Variants in NPHP1 observed in about 807,000 individuals in gnomAD.
NPHP1 encodes the protein nephrocystin 1.
A neutral mutation model predicts 90.4 loss-of-function variants in NPHP1; 70 were observed. The ratio of observed to expected loss-of-function variants is 0.77; its 90% CI spans 0.64 to 0.95. NPHP1 has a LOEUF of 0.95. NPHP1 is among the 40% of genes least tolerant of loss of function. The pLI, the probability that NPHP1 is intolerant of heterozygous loss-of-function variation, is 0.00. For synonymous variants in NPHP1, 256 were observed against 271.7 expected, an observed-to-expected ratio of 0.94 and a Z score of 0.57; for missense variants, 764 against 795.9, an observed-to-expected ratio of 0.96 and a Z score of 0.48.
Position 110,204,980 on chromosome 2 carries a change from C to G in NPHP1, c.-12G>C. ...CGTCTCGCCAGCATCTCCCTGGCTG[C>G]GGTGCTCTGATTGCTCCAGTTGCCA... On this transcript the variant is annotated 5_prime_UTR_variant, in exon 1 of 20. Coordinates refer to ENST00000445609, the MANE Select transcript of NPHP1 (RefSeq NM_001128178.3). 1.2e-6 allele frequency: 2 copies of G among 1,613,706 alleles called. No homozygotes were observed. The highest frequency in any genetic ancestry group is 1.7e-6 in the Non-Finnish European group (2 of 1,179,786).
rs1012762609 is a variant in NPHP1, at chr2:110,129,367, T to G, written c.1643-108A>C. On this transcript the variant is annotated intron_variant, in intron 17 of 19. Coordinates refer to ENST00000445609, the MANE Select transcript of NPHP1 (RefSeq NM_001128178.3). ...GAAAATTATTGTGCCAAATGATTTG[T>G]TGATAACACATTCTACACACTTTGA... The G allele has an allele frequency of 7.3e-5, 62 of 854,308 alleles. No homozygotes were observed. In the African/African-American group the frequency reaches 1.0e-3, roughly 14 times the overall value. The allele number at this position is 854,308 out of a possible 1,614,324, so 52.9% of individuals were successfully genotyped here.
intron 16 of NPHP1, among the ~76,000 whole-genome samples, chr2:110,135,757 C>A (rs562204363): frequency 1.3e-5 from 2 of 152,158 alleles, no homozygotes; most frequent in African/African-American, 4.8e-5. Flanking sequence ...AGAAAAATCA[C>A]CAAAGATTTA....
intron 3 of NPHP1, 62 bp downstream of exon 3, chr2:110,179,562 C>A: frequency 1.2e-6 from 1 of 831,824 alleles, no homozygotes. Context: ...TTAACTTCCA[C>A]TTAATAAAAA....
chr2:110,143,442 A>C (rs1680792787), intron 16 of NPHP1, 100 bp downstream of exon 16: 1 of 837,294 alleles, frequency 1.2e-6, no homozygotes. Context: ...AAAATATTAT[A>C]ACAAAAGATG....
rs1440669860 is a variant in NPHP1 at position 110,125,731 on chromosome 2, T to C, written c.1717-50A>G. ...GTTAGTCCAAGTAGTAACAAGTCCT[T>C]GCAACACTTATGCAAATTTACTCTG... On this transcript the variant is annotated intron_variant, in intron 18 of 19. Transcript: ENST00000445609. 3.4e-6 allele frequency: 5 copies of C among 1,465,858 alleles called. No homozygotes were observed. The Admixed American group carries it at 8.4e-5, about 25-fold the overall frequency. The allele number at this position is 1,465,858 out of a possible 1,614,324, so 90.8% of individuals were successfully genotyped here.
chr2:110,144,505 T>G lies in NPHP1; in HGVS notation c.1417A>C (p.Ile473Leu). ...YEKGIEVDPS[I>L]SRRAHGSVFY... ...ATGAGAGCCATACCTCTTCTGGATA[T>G]TGAAGGGTCCACTTCAATACCTTTT... is the stretch of plus-strand genomic sequence containing the variant. The change falls in exon 15 of 20, where the codon ATA becomes CTA. Residue 473 changes from isoleucine to leucine, a missense_variant. Ile to Leu is a conservative substitution (Grantham distance 5). Transcript: ENST00000445609. 1.2e-6 allele frequency: 2 copies of G among 1,603,374 alleles called. No individual in the cohort carries two copies. The highest frequency in any genetic ancestry group is 2.2e-5 in the South Asian group (2 of 90,878).
At chr2:110,160,645 C>T (rs745369433) in intron 10 of NPHP1, among the ~76,000 whole-genome samples, 2 of 152,252 alleles carry the variant, frequency 1.3e-5, no homozygotes, top group African/African-American at 4.8e-5. Context: ...TTAAGATTAT[C>T]CCCACTATTT....
intron 19 of NPHP1, 80 bp from the exon 20 acceptor site, chr2:110,124,143 C>A (rs979659377): frequency 1.9e-6 from 3 of 1,539,510 alleles, no homozygotes; most frequent in Non-Finnish European, 9.0e-7. Context: ...CTAAAAGCCA[C>A]CTAAGAGGTA....
At chr2:110,198,655 T>C (rs1029701530) in intron 2 of NPHP1, among the ~76,000 whole-genome samples, 8 of 151,904 alleles carry the variant, frequency 5.3e-5, no homozygotes, top group Non-Finnish European at 8.8e-5. Context: ...GCTAAAGAAG[T>C]TTCCCATACA....
At chr2:110,143,728 C>T (rs181956058) in intron 15 of NPHP1, 87 bp from the exon 16 acceptor site, 40 of 917,604 alleles carry the variant, frequency 4.4e-5, no homozygotes, top group African/African-American at 3.6e-4. Flanking sequence ...TGAAAATATA[C>T]CACCCAGTAG....
intron 16 of NPHP1, among the ~76,000 whole-genome samples, chr2:110,137,326 G>C (rs1343211524): frequency 3.9e-5 from 6 of 152,042 alleles, no homozygotes; most frequent in African/African-American, 1.5e-4. Flanking sequence ...TAACAAATGG[G>C]ATCTAATTAA....
chr2:110,201,003 C>G (rs929292374), intron 2 of NPHP1, among the ~76,000 whole-genome samples: 1 of 152,016 alleles, frequency 6.6e-6, no homozygotes, highest in Non-Finnish European at 1.5e-5. Context: ...TAGTTCATCA[C>G]GTCTATTTAA....
intron 7 of NPHP1, 25 bp downstream of exon 7, chr2:110,165,027 T>G: frequency 1.3e-6 from 2 of 1,547,018 alleles, no homozygotes; most frequent in Non-Finnish European, 1.8e-6. Flanking sequence ...TAAACCTACT[T>G]TGATATCCTT....
chr2:110,192,552 G>A (rs1559103144), intron 2 of NPHP1, among the ~76,000 whole-genome samples: 1 of 152,130 alleles, frequency 6.6e-6, no homozygotes, highest in Admixed American at 6.5e-5. Context: ...GAAAGTGATG[G>A]GGAGAATTGA....
chr2:110,169,898 CTT>C lies in NPHP1; in HGVS notation c.428_429del (p.Lys143ArgfsTer4). ...EEDAEEEEEE[K>X]EENESHKWST... ...GACCATTTGTGAGATTCATTTTCCT[CTT>C]TCTCTTCCTCTTCCTCCTCTGCATC... On this transcript the variant is annotated frameshift_variant, in exon 5 of 20. Transcript: ENST00000445609. LOFTEE classifies it high-confidence loss of function. 2.5e-6 allele frequency: 4 copies of C among 1,612,492 alleles called. No homozygotes were observed. The highest frequency in any genetic ancestry group is 3.4e-6 in the Non-Finnish European group (4 of 1,178,662).
intron 3 of NPHP1, among the ~76,000 whole-genome samples, chr2:110,179,254 C>G (rs1340348587): frequency 6.6e-6 from 1 of 152,096 alleles, no homozygotes. Context: ...CAAGAAGCTT[C>G]TTTACCACTT....
intron 15 of NPHP1, 114 bp from the exon 16 acceptor site, chr2:110,143,755 A>G: frequency 1.3e-6 from 1 of 762,624 alleles, no homozygotes; most frequent in South Asian, 1.5e-5. Context: ...ATTGAATGAA[A>G]GGCAAGAGTC....
chr2:110,146,772 C>G lies in NPHP1; in HGVS notation c.1333G>C (p.Gly445Arg). The change falls in exon 14 of 20, where the codon GGA becomes CGA. Residue 445 changes from glycine (G) to arginine (R), a missense_variant. Physicochemically the swap from Gly to Arg is moderately radical, Grantham distance 125 (BLOSUM62 -2). Coordinates refer to ENST00000445609, the MANE Select transcript of NPHP1 (RefSeq NM_001128178.3). ...WVFLKLFDAS[G>R]VPIPAKTYEL... ...ACTTACTTTGCTGGAATAGGAACTC[C>G]ACTGGCATCAAAAAGTTTAAGAAAC... 2.5e-6 allele frequency: 4 copies of G among 1,612,618 alleles called. No homozygotes were observed. Among genetic ancestry groups the G allele is most frequent in the African/African-American group, 1.3e-5 (1 of 75,010 alleles).
chr2:110,198,198 G>A (rs941867304), intron 2 of NPHP1, among the ~76,000 whole-genome samples: 22 of 152,076 alleles, frequency 1.4e-4, no homozygotes, highest in African/African-American at 5.1e-4. Context: ...GCATAAGAGG[G>A]AGATAATCTG....
Sources: gnomAD v4.1 joint callset for allele counts (sites outside exome capture counted in the v4.1 genomes callset) on GRCh38, gnomAD v4.1.1 for gene constraint, MANE v1.5 for transcripts, NCBI Gene and HGNC (gene_info 2026-07-23, HGNC 2026-07-21) for gene names.